The following GPT2 variants were observed in gnomAD, a reference collection of about 807,000 sequenced individuals.
The protein encoded by GPT2 is alanine aminotransferase 2.
In GPT2, 30 loss-of-function variants were observed where a neutral mutation model predicts 56.9. The observed-to-expected ratio is 0.53, with a 90% CI of 0.39 to 0.72. The LOEUF is 0.72. Among genes scored for constraint, GPT2 ranks in the 30% least tolerant of loss-of-function variants. GPT2 has a pLI of 0.00. For synonymous variants in GPT2, 271 were observed against 283.1 expected, an observed-to-expected ratio of 0.96 and a Z score of 0.43; for missense variants, 542 against 703.4, an observed-to-expected ratio of 0.77 and a Z score of 2.60.
intron 7 of GPT2, among the ~76,000 whole-genome samples, chr16:46,918,028 A>G (rs1961205502): frequency 6.6e-6 from 1 of 152,142 alleles, no homozygotes; most frequent in East Asian, 1.9e-4. Context: ...GATCTCCAAA[A>G]TAGATGGGGA....
At position 46,909,863 on chromosome 16, in the gene GPT2, G is replaced by A; in HGVS notation, c.756G>A (p.Val252=). 4.3e-6 allele frequency: 7 copies of A among 1,614,176 alleles called. No individual in the cohort carries two copies. The highest frequency in any genetic ancestry group is 5.9e-6 in the Non-Finnish European group (7 of 1,180,024). The change falls in exon 6 of 12, where the codon GTG becomes GTA. Residue 252 remains valine, a synonymous_variant. Coordinates refer to ENST00000340124, the MANE Select transcript of GPT2 (RefSeq NM_133443.4). The stretch of plus-strand genomic sequence containing the variant: ...ATGTGAATGAGCTCCGGCGGGCGGT[G>A]CAGGAGGCCAAAGACCACTGTGATC... ...ALNVNELRRA[V]QEAKDHCDPK... is the part of the protein sequence containing the mutation.
chr16:46,924,340 A>G, intron 9 of GPT2, 49 bp from the exon 10 acceptor site: 2 of 1,602,704 alleles, frequency 1.2e-6, no homozygotes, highest in South Asian at 1.1e-5. Flanking sequence ...GCTGGAGTGA[A>G]TCTTTATCCA....
At chr16:46,888,990 T>C (rs1960534324) in intron 2 of GPT2, among the ~76,000 whole-genome samples, 1 of 152,072 alleles carries the variant, frequency 6.6e-6, no homozygotes, top group East Asian at 1.9e-4. Flanking sequence ...TAATACTAAT[T>C]GTTAATTATA....
Position 46,931,067 on chromosome 16 carries a change from T to C in GPT2, c.*2070T>C, listed in dbSNP as rs944556501. 3 of 152,278 alleles carry C rather than the reference T, an allele frequency of 2.0e-5. No individual in the cohort carries two copies. Among genetic ancestry groups the C allele is most frequent in the African/African-American group, 7.2e-5 (3 of 41,446 alleles). 9.4% of individuals were successfully genotyped at this position (152,278 alleles called of 1,614,324 possible). A position where few individuals can be genotyped will look rare whatever the true frequency, so the allele number is the denominator to read the frequency against. Reference sequence around the variant, plus strand: ...CCAGATCTGTGTGTGTAGCATGTGCTGAGGAAGCACGTGCTGGGCTGTGCC... The same window carrying C: ...CCAGATCTGTGTGTGTAGCATGTGCCGAGGAAGCACGTGCTGGGCTGTGCC... On this transcript the variant is annotated 3_prime_UTR_variant, in exon 12 of 12. Transcript: ENST00000340124.
At chr16:46,926,715 C>T (rs898937173) in intron 10 of GPT2, among the ~76,000 whole-genome samples, 2 of 152,230 alleles carry the variant, frequency 1.3e-5, no homozygotes, top group African/African-American at 4.8e-5. Context: ...CTACCTACAC[C>T]TGGCTGTCCT....
Position 46,922,321 on chromosome 16 carries a change from G to A in GPT2, c.1117G>A (p.Val373Met). The A allele has an allele frequency of 6.2e-7, 1 of 1,614,198 alleles. No individual in the cohort carries two copies. The highest frequency in any genetic ancestry group is 8.5e-7 in the Non-Finnish European group (1 of 1,180,036). Residue 373 changes from valine (V) to methionine (M), a missense_variant, in exon 9 of 12, where the codon GTG (valine) becomes ATG (methionine). Transcript: ENST00000340124. Reference sequence around the variant, plus strand: ...GGGCCAGCTGGTGAAGCTGCTGTCGGTGCGCCTGTGCCCCCCAGTGTCTGG... The same window carrying A: ...GGGCCAGCTGGTGAAGCTGCTGTCGATGCGCCTGTGCCCCCCAGTGTCTGG... ...IKGQLVKLLS[V>M]RLCPPVSGQA...
Position 46,885,068 on chromosome 16 carries a change from C to G in GPT2, c.243+110C>G, listed in dbSNP as rs1214425875. 5 of 1,353,018 alleles carry G rather than the reference C, an allele frequency of 3.7e-6. No individual in the cohort carries two copies. In the East Asian group the frequency reaches 1.5e-4, roughly 41 times the overall value. 83.8% of individuals were successfully genotyped at this position (1,353,018 alleles called of 1,614,324 possible). On this transcript the variant is annotated intron_variant, in intron 2 of 11. Transcript: ENST00000340124. ...ACGTCCACCCCCATGGCCAGCTCCT[C>G]AGTCAGCCAAGCCTGGCTAAAACGA...
intron 8 of GPT2, among the ~76,000 whole-genome samples, chr16:46,920,822 C>T (rs977973017): frequency 1.3e-5 from 2 of 152,140 alleles, no homozygotes; most frequent in African/African-American, 2.4e-5. Context: ...AATCTGTTCT[C>T]GGTGAACTCA....
At position 46,900,778 on chromosome 16, in the gene GPT2, G is replaced by T; in HGVS notation, c.430G>T (p.Gly144Trp). 6.2e-7 allele frequency: 1 copy of T among 1,613,966 alleles called. No individual in the cohort carries two copies. The highest frequency in any genetic ancestry group is 1.1e-5 in the South Asian group (1 of 91,062). ...CCGGCGGATCCTGCAGGCTTGTGGC[G>T]GGAACAGCCTGGGTGAGGCCCCAAC... ...RARRILQACG[G>W]NSLGSYSASQ... The change falls in exon 4 of 12, where the codon GGG (glycine) becomes TGG (tryptophan). Residue 144 changes from glycine (G) to tryptophan (W), a missense_variant. Gly to Trp is a radical substitution (Grantham distance 184, BLOSUM62 -2). Transcript: ENST00000340124.
At chr16:46,899,097 A>G (rs1345373384) in intron 3 of GPT2, among the ~76,000 whole-genome samples, 2 of 145,498 alleles carry the variant, frequency 1.4e-5, no homozygotes, top group African/African-American at 5.1e-5. Flanking sequence ...GATTGTCATG[A>G]TCACTGCTCT....
At chr16:46,907,384 A>T (rs1409302226) in intron 5 of GPT2, among the ~76,000 whole-genome samples, 1 of 152,144 alleles carries the variant, frequency 6.6e-6, no homozygotes, top group Non-Finnish European at 1.5e-5. Context: ...TGCACATCAC[A>T]AGCTTTTAGT....
At chr16:46,910,380 CAAAAAAA>C (rs4039999) in intron 6 of GPT2, among the ~76,000 whole-genome samples, 3 of 46,476 alleles carry the variant, frequency 6.5e-5, no homozygotes, top group African/African-American at 2.1e-4. Context: ...GACTCTGTCT[CAAAAAAA>C]AAAAAAAAAA....
chr16:46,893,062 T>C (rs890887871), intron 2 of GPT2, among the ~76,000 whole-genome samples: 4 of 152,216 alleles, frequency 2.6e-5, no homozygotes, highest in African/African-American at 9.6e-5. Context: ...TAGGGAACAA[T>C]GACAAGAAAA....
At chr16:46,902,865 C>T (rs952220863) in intron 4 of GPT2, among the ~76,000 whole-genome samples, 9 of 152,168 alleles carry the variant, frequency 5.9e-5, no homozygotes, top group Admixed American at 5.9e-4. Flanking sequence ...ACCTCCTGAT[C>T]TGCCCACCTT....
chr16:46,928,479 T>C (rs1961461885), intron 11 of GPT2, among the ~76,000 whole-genome samples: 1 of 151,466 alleles, frequency 6.6e-6, no homozygotes, highest in South Asian at 2.1e-4. Context: ...AAAAATTAGC[T>C]GGGCGTGGTG....
At chr16:46,896,977 G>A (rs893963725) in intron 2 of GPT2, among the ~76,000 whole-genome samples, 1 of 152,170 alleles carries the variant, frequency 6.6e-6, no homozygotes, top group Non-Finnish European at 1.5e-5. Flanking sequence ...GCGGAGGATC[G>A]CCTGAGCCCA....
rs1045090373 is a variant in GPT2, at chr16:46,922,377, C to T, written c.1173C>T (p.Pro391=). Residue 391 remains proline, a synonymous_variant, in exon 9 of 12, where the codon CCC becomes CCT. Transcript: ENST00000340124. ...GQAAMDIVVN[P]PVAGEESFEQ... is the part of the protein sequence containing the mutation. The stretch of plus-strand genomic sequence containing the variant: ...CCGCCATGGACATTGTCGTGAACCC[C>T]CCGGTGGCAGGAGAGGAGTCCTTTG... 1 of 1,613,470 alleles carries T rather than the reference C, an allele frequency of 6.2e-7. No homozygotes were observed. Among genetic ancestry groups the T allele is most frequent in the African/African-American group, 1.3e-5 (1 of 74,908 alleles).
chr16:46,903,300 G>T (rs962300084), intron 4 of GPT2, among the ~76,000 whole-genome samples: 2 of 147,452 alleles, frequency 1.4e-5, no homozygotes, highest in Non-Finnish European at 3.0e-5. Context: ...TCATGTTTTT[G>T]TTTTTTTTTT....
chr16:46,900,849 C>T, intron 4 of GPT2, 59 bp downstream of exon 4: 1 of 1,446,902 alleles, frequency 6.9e-7, no homozygotes, highest in South Asian at 1.2e-5. Flanking sequence ...CCCAGGCGGC[C>T]CCAGCCTCAA....
Sources: allele counts gnomAD v4.1 joint callset (sites outside exome capture counted in the v4.1 genomes callset), GRCh38; gene constraint gnomAD v4.1.1; transcripts MANE v1.5; gene names NCBI Gene and HGNC (gene_info 2026-07-23, HGNC 2026-07-21).